The following KCNMA1 variants were observed in gnomAD, a reference collection of about 807,000 sequenced individuals.
KCNMA1 encodes the protein potassium calcium-activated channel subfamily M alpha 1, also known as Calcium-activated potassium channel subunit alpha-1.
A neutral mutation model predicts 140.0 loss-of-function variants in KCNMA1; 29 were observed. The observed-to-expected ratio is 0.21, with a 90% CI of 0.15 to 0.28. KCNMA1 has a LOEUF of 0.28. KCNMA1 is among the 10% of genes least tolerant of loss of function. KCNMA1 has a pLI of 1.00. For missense variants in KCNMA1, 880 were observed against 1,602.2 expected (o/e 0.55, Z 7.70); for synonymous variants, 612 against 611.9 (o/e 1.00, Z 0.00).
intron 1 of KCNMA1, among the ~76,000 whole-genome samples, chr10:77,443,553 T>C (rs931835484): frequency 2.0e-5 from 3 of 152,130 alleles, no homozygotes; most frequent in African/African-American, 7.2e-5. Context: ...TGGCACTGCA[T>C]TGGCTCTCGT....
chr10:77,014,171 G>A (rs1460047990), intron 17 of KCNMA1, among the ~76,000 whole-genome samples: 1 of 152,178 alleles, frequency 6.6e-6, no homozygotes, highest in African/African-American at 2.4e-5. Flanking sequence ...GCTGACGCCT[G>A]TAATCCAACA....
intron 24 of KCNMA1, chr10:76,914,706 A>G (rs1334793978): frequency 4.3e-6 from 2 of 463,898 alleles, no homozygotes; most frequent in Non-Finnish European, 4.0e-6. Flanking sequence ...CTTTGAAAAC[A>G]GTGACCAGCA....
intron 3 of KCNMA1, among the ~76,000 whole-genome samples, chr10:77,214,393 TG>T (rs1207721032): frequency 5.3e-5 from 8 of 152,216 alleles, no homozygotes; most frequent in Admixed American, 5.2e-4. Context: ...TCTCCAACAC[TG>T]CACTTACAGG....
intron 20 of KCNMA1, among the ~76,000 whole-genome samples, chr10:76,963,476 C>A (rs1486222529): frequency 6.6e-6 from 1 of 152,136 alleles, no homozygotes; most frequent in Non-Finnish European, 1.5e-5. Flanking sequence ...TAAATCCTAC[C>A]CAAGTTAGCA....
intron 1 of KCNMA1, among the ~76,000 whole-genome samples, chr10:77,508,617 T>A (rs149053148): frequency 1.7e-5 from 2 of 115,760 alleles, no homozygotes; most frequent in Admixed American, 1.0e-4. Context: ...GCTCTCTCCC[T>A]CTCTCTCTCT....
intron 1 of KCNMA1, among the ~76,000 whole-genome samples, chr10:77,543,085 C>T (rs1054235560): frequency 7.3e-5 from 11 of 151,620 alleles, no homozygotes; most frequent in African/African-American, 2.7e-4. Context: ...CACAGAAACA[C>T]AGGTTCCAGG....
intron 1 of KCNMA1, among the ~76,000 whole-genome samples, chr10:77,600,453 A>AAC (rs1419113830): frequency 2.0e-5 from 3 of 152,132 alleles, no homozygotes; most frequent in Non-Finnish European, 4.4e-5. Context: ...GTTGCTACAA[A>AAC]ACACACACAC....
chr10:77,423,506 C>T (rs1566754201), intron 1 of KCNMA1, among the ~76,000 whole-genome samples: 1 of 152,024 alleles, frequency 6.6e-6, no homozygotes, highest in Non-Finnish European at 1.5e-5. Flanking sequence ...AGTCCTGTGC[C>T]CGATACCTTA....
At chr10:77,311,726 A>G (rs998263303) in intron 2 of KCNMA1, among the ~76,000 whole-genome samples, 2 of 152,184 alleles carry the variant, frequency 1.3e-5, no homozygotes, top group African/African-American at 4.8e-5. Flanking sequence ...GTGATTGGGA[A>G]TGGGTTCACC....
intron 5 of KCNMA1, among the ~76,000 whole-genome samples, chr10:77,140,959 A>T (rs568863461): frequency 4.6e-5 from 7 of 152,228 alleles, no homozygotes; most frequent in Admixed American, 2.0e-4. Flanking sequence ...GGGGCCCACT[A>T]AGTCGTTTCT....
intron 1 of KCNMA1, among the ~76,000 whole-genome samples, chr10:77,436,965 C>G (rs1053238222): frequency 8.3e-4 from 106 of 127,152 alleles, no homozygotes; most frequent in Non-Finnish European, 1.4e-3. Flanking sequence ...TTTACACACA[C>G]ACACACACAC....
intron 1 of KCNMA1, among the ~76,000 whole-genome samples, chr10:77,600,169 C>A (rs149680675): frequency 6.6e-6 from 1 of 152,318 alleles, no homozygotes; most frequent in African/African-American, 2.4e-5. Context: ...CAAAATGGAA[C>A]AACATACCTA....
chr10:77,332,518 C>T (rs2086861431), intron 2 of KCNMA1, among the ~76,000 whole-genome samples: 3 of 152,120 alleles, frequency 2.0e-5, no homozygotes, highest in African/African-American at 4.8e-5. Context: ...GACCAGAAAC[C>T]CCACCTCCCC....
chr10:77,042,410 AACAG>A (rs2094779607), intron 14 of KCNMA1, among the ~76,000 whole-genome samples: 1 of 152,228 alleles, frequency 6.6e-6, no homozygotes, highest in Non-Finnish European at 1.5e-5. Flanking sequence ...ATATTTGGGA[AACAG>A]TATTAACATA....
At chr10:77,014,768 T>C (rs2091650742) in intron 17 of KCNMA1, among the ~76,000 whole-genome samples, 1 of 152,180 alleles carries the variant, frequency 6.6e-6, no homozygotes, top group South Asian at 2.1e-4. Context: ...GGGGTGTCCA[T>C]GGTGATCTGG....
chr10:77,350,789 T>C (rs1251905355), intron 2 of KCNMA1: 1 of 152,184 alleles, frequency 6.6e-6, no homozygotes, highest in African/African-American at 2.4e-5. Flanking sequence ...GGTGCACCAA[T>C]TCACTGTGAT....
At chr10:77,540,269 G>A (rs1485975461) in intron 1 of KCNMA1, among the ~76,000 whole-genome samples, 2 of 152,174 alleles carry the variant, frequency 1.3e-5, no homozygotes, top group Admixed American at 1.3e-4. Context: ...GCAAAGCTGG[G>A]GTGTTTTAAA....
At chr10:77,490,391 C>A (rs2098517810) in intron 1 of KCNMA1, among the ~76,000 whole-genome samples, 1 of 152,202 alleles carries the variant, frequency 6.6e-6, no homozygotes, top group South Asian at 2.1e-4. Flanking sequence ...CTGATTCCAG[C>A]AAGTGGCTCC....
intron 1 of KCNMA1, among the ~76,000 whole-genome samples, chr10:77,405,807 T>G (rs1317525863): frequency 6.6e-6 from 1 of 152,128 alleles, no homozygotes; most frequent in Non-Finnish European, 1.5e-5. Flanking sequence ...AAGCTTTGTC[T>G]GCAGTGACAA....
Sources: gnomAD v4.1 joint callset for allele counts (sites outside exome capture counted in the v4.1 genomes callset) on GRCh38, gnomAD v4.1.1 for gene constraint, MANE v1.5 for transcripts, NCBI Gene and HGNC (gene_info 2026-07-23, HGNC 2026-07-21) for gene names.